The following TMEM132B variants were observed in gnomAD, a reference collection of about 807,000 sequenced individuals.
TMEM132B encodes the protein transmembrane protein 132B.
In TMEM132B, 18 loss-of-function variants were observed where a neutral mutation model predicts 90.8. The observed-to-expected ratio is 0.20, with a 90% CI of 0.14 to 0.29. The LOEUF is 0.29. Ranked by LOEUF, TMEM132B falls within the 10% of genes least tolerant of loss-of-function variation. The pLI is 1.00. For missense variants in TMEM132B, 1,096 were observed against 1,326.8 expected (o/e 0.83, Z 2.70); for synonymous variants, 504 against 523.3 (o/e 0.96, Z 0.50).
rs570981472 is a variant in TMEM132B, at chr12:125,349,516, C to G, written c.132C>G (p.Pro44=). 6.2e-7 allele frequency: 1 copy of G among 1,614,152 alleles called. No homozygotes were observed. The highest frequency in any genetic ancestry group is 1.7e-5 in the Admixed American group (1 of 60,016). ...QKFSSLPAYL[P]TNLHISNAEE... is the part of the protein sequence containing the mutation. ...TTTCCTCGCTCCCTGCTTACCTCCCCACGAACTTGCACATCTCCAATGCAG... is the reference window on the plus strand; with the variant it reads ...TTTCCTCGCTCCCTGCTTACCTCCCGACGAACTTGCACATCTCCAATGCAG... Residue 44 remains proline (P), a synonymous_variant, in exon 2 of 9, where the codon CCC becomes CCG. Coordinates refer to ENST00000682704, the MANE Select transcript of TMEM132B (RefSeq NM_001366854.1). The surrounding 1 kb of genome is among the most constrained non-coding windows in gnomAD (Gnocchi z 4.1).
intron 3 of TMEM132B, among the ~76,000 whole-genome samples, chr12:125,477,019 G>A (rs1247699477): frequency 6.6e-6 from 1 of 152,174 alleles, no homozygotes; most frequent in Non-Finnish European, 1.5e-5. Context: ...AATATATGGA[G>A]TGCTGAGTAT....
intron 3 of TMEM132B, among the ~76,000 whole-genome samples, chr12:125,511,667 A>G (rs1396725306): frequency 1.3e-5 from 2 of 151,970 alleles, no homozygotes; most frequent in Admixed American, 6.6e-5. Flanking sequence ...CCTGGCTAAC[A>G]TGGTGAAACC....
intron 6 of TMEM132B, among the ~76,000 whole-genome samples, chr12:125,647,535 C>T (rs542980851): frequency 1.3e-5 from 2 of 152,302 alleles, no homozygotes; most frequent in South Asian, 4.1e-4. Flanking sequence ...AAGGATTTGG[C>T]ACATTTTTCA....
intron 5 of TMEM132B, among the ~76,000 whole-genome samples, chr12:125,630,658 T>G (rs966876166): frequency 6.6e-6 from 1 of 152,108 alleles, no homozygotes; most frequent in Non-Finnish European, 1.5e-5. Context: ...ACTCATGTCA[T>G]GGGTGCTTAT....
At chr12:125,614,093 A>G (rs956719040) in intron 5 of TMEM132B, among the ~76,000 whole-genome samples, 1 of 152,178 alleles carries the variant, frequency 6.6e-6, no homozygotes, top group African/African-American at 2.4e-5. Flanking sequence ...ACTGTGTCTT[A>G]CAATTATGTA....
intron 6 of TMEM132B, 63 bp downstream of exon 6, chr12:125,644,344 C>T: frequency 1.3e-6 from 2 of 1,559,674 alleles, no homozygotes; most frequent in African/African-American, 1.4e-5. Context: ...TTGTGGGAGG[C>T]AAACTGGCCC....
At chr12:125,560,049 T>G (rs961844684) in intron 4 of TMEM132B, among the ~76,000 whole-genome samples, 2 of 152,224 alleles carry the variant, frequency 1.3e-5, no homozygotes, top group African/African-American at 4.8e-5. Flanking sequence ...AGCCAGAGGC[T>G]GCTGCCAGCG....
At chr12:125,481,637 T>C (rs530013258) in intron 3 of TMEM132B, among the ~76,000 whole-genome samples, 13 of 152,224 alleles carry the variant, frequency 8.5e-5, no homozygotes, top group East Asian at 1.9e-4. Context: ...TCCATGCTTA[T>C]GGATAGGAAG....
rs1881792029 is a variant in TMEM132B at position 125,474,029 on chromosome 12, T to G, written c.1107-45410T>G. 1.4e-5 allele frequency among the ~76,000 whole-genome samples: 2 copies of G among 147,580 alleles called. 1 individual carries two copies. Among genetic ancestry groups the G allele is most frequent in the South Asian group, 4.4e-4 (2 of 4,590 alleles). On this transcript the variant is annotated intron_variant, in intron 3 of 8. Coordinates refer to ENST00000682704, the MANE Select transcript of TMEM132B (RefSeq NM_001366854.1). Reference sequence around the variant, plus strand: ...GCTCACCTTTCCTTCCTTCCTTCTTTCCTTCCTTCCTTCCTTCCTTCTTTC... The same window carrying G: ...GCTCACCTTTCCTTCCTTCCTTCTTGCCTTCCTTCCTTCCTTCCTTCTTTC...
intron 2 of TMEM132B, among the ~76,000 whole-genome samples, chr12:125,377,387 A>G (rs974130731): frequency 2.6e-5 from 4 of 152,152 alleles, no homozygotes; most frequent in Non-Finnish European, 5.9e-5. Flanking sequence ...GAGAAGGTGG[A>G]GGTGAAGTAG....
intron 3 of TMEM132B, among the ~76,000 whole-genome samples, chr12:125,503,071 C>A (rs1170514656): frequency 6.6e-6 from 1 of 152,236 alleles, no homozygotes. Context: ...GGTGCATCGG[C>A]TGTCCAACAT....
chr12:125,332,301 G>A (rs971761300), intron 1 of TMEM132B, among the ~76,000 whole-genome samples: 1 of 152,110 alleles, frequency 6.6e-6, no homozygotes, highest in African/African-American at 2.4e-5. Flanking sequence ...TTTATGTATT[G>A]GATGCTACTG....
intron 1 of TMEM132B, among the ~76,000 whole-genome samples, chr12:125,290,119 C>T (rs969731690): frequency 6.6e-6 from 1 of 152,164 alleles, no homozygotes; most frequent in African/African-American, 2.4e-5. Flanking sequence ...AAATCCAAAA[C>T]TGGAACAAAA....
At chr12:125,223,188 T>TGA (rs2136075561) in intron 1 of TMEM132B, among the ~76,000 whole-genome samples, 1 of 152,382 alleles carries the variant, frequency 6.6e-6, no homozygotes, top group South Asian at 2.1e-4. Context: ...TAAAGTGATC[T>TGA]GAATATCAAA....
chr12:125,287,770 A>G (rs988142494), intron 1 of TMEM132B, among the ~76,000 whole-genome samples: 2 of 148,122 alleles, frequency 1.4e-5, no homozygotes, highest in African/African-American at 5.0e-5. Flanking sequence ...CTTCTAAAAA[A>G]TACTAGGGAA....
intron 1 of TMEM132B, among the ~76,000 whole-genome samples, chr12:125,347,661 G>A (rs140489631): frequency 2.2e-3 from 329 of 152,290 alleles, no homozygotes; most frequent in African/African-American, 7.7e-3. Context: ...CCACGGTCAG[G>A]TGCCATTTCT....
intron 4 of TMEM132B, among the ~76,000 whole-genome samples, chr12:125,526,719 G>GCCTGATAGGAAGTGGGAGAGAC (rs1883472704): frequency 6.6e-6 from 1 of 152,108 alleles, no homozygotes. Context: ...TTGGGAGAAT[G>GCCTGATAGGAAGTGGGAGAGAC]CCTGATAGGA....
rs1358709387 is a variant in TMEM132B at position 125,290,712 on chromosome 12, G to A, written c.68-58740G>A. 3.3e-5 allele frequency among the ~76,000 whole-genome samples: 5 copies of A among 152,124 alleles called. No homozygotes were observed. In the South Asian group the frequency reaches 6.2e-4, roughly 19 times the overall value. The stretch of plus-strand genomic sequence containing the variant: ...TATTCATCTGTCCTCCTGCTGATGG[G>A]CATTTAGGCTGCTTGCTGTTTCTTG... On this transcript the variant is annotated intron_variant, in intron 1 of 8. Transcript: ENST00000682704.
chr12:125,545,187 C>T (rs1884057092), intron 4 of TMEM132B, among the ~76,000 whole-genome samples: 1 of 152,172 alleles, frequency 6.6e-6, no homozygotes, highest in Non-Finnish European at 1.5e-5. Flanking sequence ...GCTTGCTCTC[C>T]AAGGTTAATG....
Sources: gnomAD v4.1 joint callset for allele counts (sites outside exome capture counted in the v4.1 genomes callset) on GRCh38, gnomAD v4.1.1 for gene constraint, Gnocchi (gnomAD v3.1) non-coding constraint, MANE v1.5 for transcripts, NCBI Gene and HGNC (gene_info 2026-07-23, HGNC 2026-07-21) for gene names.